Variants in CFAP46 observed in about 807,000 individuals in gnomAD.
CFAP46 encodes the protein cilia and flagella associated protein 46.
Under a neutral mutation model 325.7 loss-of-function variants are expected in CFAP46, and 245 were observed. The observed-to-expected ratio is 0.75, with a 90% confidence interval of 0.68 to 0.84. The LOEUF (loss-of-function observed/expected upper bound fraction) is 0.84, where lower values mean the gene tolerates loss of function less well. CFAP46 is among the 40% of genes least tolerant of loss of function. The pLI, the probability that CFAP46 is intolerant of heterozygous loss-of-function variation, is 0.00. For missense variants in CFAP46, 3,346 were observed against 3,543.0 expected (o/e 0.94, Z 1.41); for synonymous variants, 1,523 against 1,495.9 (o/e 1.02, Z -0.42).
Position 132,919,920 on chromosome 10 carries a change from A to G in CFAP46, c.1730+139T>C. 8.4e-7 allele frequency: 1 copy of G among 1,187,828 alleles called. No homozygotes were observed. The highest frequency in any genetic ancestry group is 1.1e-6 in the Non-Finnish European group (1 of 891,554). The allele number at this position is 1,187,828 out of a possible 1,614,324, so 73.6% of individuals were successfully genotyped here. The stretch of plus-strand genomic sequence containing the variant: ...GACTCCCAGGCAGGGACCTCGTCCC[A>G]CCATCCTGGAGCAGGTGGCCTGGCG... On this transcript the variant is annotated intron_variant, in intron 14 of 57. Coordinates refer to ENST00000368586, the MANE Select transcript of CFAP46 (RefSeq NM_001200049.3). This position sits in a 1 kb window ranked among gnomAD's most constrained non-coding sequence, Gnocchi z 9.7.
rs112604854 is a variant in CFAP46, at chr10:132,898,145, C to A, written c.3219+814G>T. 4.6e-5 allele frequency among the ~76,000 whole-genome samples: 7 copies of A among 152,346 alleles called. 1 individual carries two copies. Among genetic ancestry groups the A allele is most frequent in the African/African-American group, 1.7e-4 (7 of 41,586 alleles). ...CTCAGAGTGGGCTGGTCTGGCTCAGCCCTGGTCTGGAGACTGACCCCAACC... is the reference window on the plus strand; with the variant it reads ...CTCAGAGTGGGCTGGTCTGGCTCAGACCTGGTCTGGAGACTGACCCCAACC... On this transcript the variant is annotated intron_variant, in intron 24 of 57. Coordinates refer to ENST00000368586, the MANE Select transcript of CFAP46 (RefSeq NM_001200049.3).
chr10:132,814,890 C>T lies in CFAP46; in HGVS notation c.7142G>A (p.Arg2381Lys), dbSNP rs1847663572. Residue 2381 changes from arginine to lysine, a missense_variant, in exon 51 of 58, where the codon AGA becomes AAA. Coordinates refer to ENST00000368586, the MANE Select transcript of CFAP46 (RefSeq NM_001200049.3). ...GCTTCTCTTTTTGGGGTCTCTGCTT[C>T]TTCCCTCCTTTTTCACGCCACCTTC... is the stretch of plus-strand genomic sequence containing the variant. Reference protein sequence around the residue: ...ETEGGVKKEGRSRDPKKRSLA... With the variant: ...ETEGGVKKEGKSRDPKKRSLA... 1 of 1,614,094 alleles carries T rather than the reference C, an allele frequency of 6.2e-7. No individual in the cohort carries two copies. Among genetic ancestry groups the T allele is most frequent in the Admixed American group, 1.7e-5 (1 of 60,016 alleles).
chr10:132,910,314 T>C (rs1006207752), intron 19 of CFAP46, among the ~76,000 whole-genome samples: 2 of 152,110 alleles, frequency 1.3e-5, no homozygotes, highest in African/African-American at 4.8e-5. Flanking sequence ...TCCTGAGCTG[T>C]CCCCACGGCA....
intron 38 of CFAP46, 90 bp from the exon 39 acceptor site, chr10:132,857,878 A>T: frequency 8.9e-7 from 1 of 1,121,876 alleles, no homozygotes; most frequent in Non-Finnish European, 1.2e-6. Flanking sequence ...TGTATATTTT[A>T]TTAGTGCTTA....
intron 50 of CFAP46, among the ~76,000 whole-genome samples, chr10:132,824,060 C>T (rs1847969314): frequency 9.5e-6 from 1 of 105,116 alleles, no homozygotes; most frequent in Non-Finnish European, 1.8e-5. Context: ...GCTGTGTGTG[C>T]TGATGTGTGC....
At chr10:132,837,330 G>A (rs1404656017) in intron 44 of CFAP46, among the ~76,000 whole-genome samples, 1 of 152,194 alleles carries the variant, frequency 6.6e-6, no homozygotes, top group African/African-American at 2.4e-5. Context: ...GATGCATGCA[G>A]ACACACACGC....
At chr10:132,859,853 G>A (rs1274094546) in intron 37 of CFAP46, among the ~76,000 whole-genome samples, 1 of 152,318 alleles carries the variant, frequency 6.6e-6, no homozygotes, top group Non-Finnish European at 1.5e-5. Flanking sequence ...AAGAGACGGC[G>A]TTGCCATCCT....
At chr10:132,818,669 A>G (rs1364722340) in intron 50 of CFAP46, among the ~76,000 whole-genome samples, 2 of 152,136 alleles carry the variant, frequency 1.3e-5, no homozygotes, top group Admixed American at 6.5e-5. Context: ...CCTGACCAAC[A>G]TAGCCAAACC....
intron 50 of CFAP46, among the ~76,000 whole-genome samples, chr10:132,822,940 C>CTGTGTGCTGTGTGTGTGGTGA (rs1457652717): frequency 3.5e-4 from 35 of 98,600 alleles, no homozygotes; most frequent in South Asian, 3.0e-3. Context: ...GATGTGTGCA[C>CTGTGTGCTGTGTGTGTGGTGA]TGTGTGCTGT....
intron 26 of CFAP46, 56 bp downstream of exon 26, chr10:132,885,765 G>A (rs1240469191): frequency 3.4e-6 from 5 of 1,480,532 alleles, no homozygotes; most frequent in Non-Finnish European, 4.5e-6. Flanking sequence ...ACAGGCGGTG[G>A]GGGGAGCACT....
In CFAP46 at chr10:132,885,207, C is replaced by G. The variant is rs1323758376; in HGVS notation, c.3523G>C (p.Glu1175Gln). 6.4e-7 allele frequency: 1 copy of G among 1,550,538 alleles called. No individual in the cohort carries two copies. Among genetic ancestry groups the G allele is most frequent in the Admixed American group, 2.0e-5 (1 of 51,008 alleles). ...FSMEIQKFKAESEDYLARMWH... is the reference protein window; with the variant it reads ...FSMEIQKFKAQSEDYLARMWH... ...ATGCGCGCCAAGTAGTCCTCACTCT[C>G]GGCCTTGAATTTCTGTATTTCCATC... is the stretch of plus-strand genomic sequence containing the variant. Residue 1175 changes from glutamate (E) to glutamine (Q), a missense_variant, in exon 27 of 58, where the codon GAG becomes CAG. Coordinates refer to ENST00000368586, the MANE Select transcript of CFAP46 (RefSeq NM_001200049.3).
chr10:132,849,995 G>A (rs1433527714), intron 41 of CFAP46, among the ~76,000 whole-genome samples: 1 of 152,196 alleles, frequency 6.6e-6, no homozygotes, highest in Admixed American at 6.5e-5. Flanking sequence ...CTGTGCTGCT[G>A]TGGGCCGACC....
At chr10:132,931,079 C>T (rs1445067651) in intron 8 of CFAP46, among the ~76,000 whole-genome samples, 2 of 86,808 alleles carry the variant, frequency 2.3e-5, no homozygotes, top group African/African-American at 4.8e-5. Flanking sequence ...CCTCTCCACA[C>T]AGAGCCTGGG....
chr10:132,808,673 G>T lies in CFAP46; in HGVS notation c.7896C>A (p.Leu2632=). The change falls in exon 58 of 58, where the codon CTC becomes CTA. Residue 2632 remains leucine, a synonymous_variant. Coordinates refer to ENST00000368586, the MANE Select transcript of CFAP46 (RefSeq NM_001200049.3). The surrounding 1 kb of genome is among the most constrained non-coding windows in gnomAD (Gnocchi z 6.8). ...GGGAGAGGCCCAGGAAGGGGAGAGC[G>T]AGCTGGGAGCTGGGGATGGGAGCCG... The part of the protein sequence containing the change: ...HLPAPIPSSQ[L]ALPFLGLSPA... 2 of 1,577,904 alleles carry T rather than the reference G, an allele frequency of 1.3e-6. No homozygotes were observed. The highest frequency in any genetic ancestry group is 1.7e-4 in the Middle Eastern group (1 of 5,834).
rs1849089164 is a variant in CFAP46 at position 132,884,262 on chromosome 10, C to A, written c.3627+841G>T. 1.3e-5 allele frequency among the ~76,000 whole-genome samples: 2 copies of A among 152,288 alleles called. No individual in the cohort carries two copies. Among genetic ancestry groups the A allele is most frequent in the African/African-American group, 4.8e-5 (2 of 41,558 alleles). On this transcript the variant is annotated intron_variant, in intron 27 of 57. Transcript: ENST00000368586. The surrounding 1 kb of genome is among the most constrained non-coding windows in gnomAD (Gnocchi z 5.4). ...CGAGGAGCAGTGGCTCCCTGTGGCT[C>A]CCCACGGTGGTACCCAGGCGTCTGC...
At chr10:132,936,870 C>A in intron 7 of CFAP46, 91 bp downstream of exon 7, 1 of 674,734 alleles carries the variant, frequency 1.5e-6, no homozygotes, top group South Asian at 4.0e-5. Flanking sequence ...GGCCCCTGGA[C>A]ACAGGACCTC....
At chr10:132,907,892 C>T (rs142626414) in intron 22 of CFAP46, among the ~76,000 whole-genome samples, 2 of 152,216 alleles carry the variant, frequency 1.3e-5, no homozygotes, top group African/African-American at 2.4e-5. Flanking sequence ...AAGGGGCCCT[C>T]GCAGACGCCG....
intron 44 of CFAP46, 42 bp from the exon 45 acceptor site, chr10:132,836,956 G>GCAAGGA (rs1292859967): frequency 1.4e-6 from 2 of 1,427,238 alleles, no homozygotes; most frequent in East Asian, 4.5e-5. Flanking sequence ...CATTTAGGAC[G>GCAAGGA]CAAGGACGTC....
At chr10:132,819,869 C>T (rs1327128643) in intron 50 of CFAP46, among the ~76,000 whole-genome samples, 1 of 152,144 alleles carries the variant, frequency 6.6e-6, no homozygotes. Context: ...TCATAAGCAA[C>T]ACAAGCAGAA....
Sources: gnomAD v4.1 joint callset for allele counts (sites outside exome capture counted in the v4.1 genomes callset) on GRCh38, gnomAD v4.1.1 for gene constraint, Gnocchi (gnomAD v3.1) non-coding constraint, MANE v1.5 for transcripts, NCBI Gene and HGNC (gene_info 2026-07-23, HGNC 2026-07-21) for gene names.